Variants in TNKS2 observed in about 807,000 individuals in gnomAD.
TNKS2 encodes the protein poly [ADP-ribose] polymerase tankyrase-2.
A neutral mutation model predicts 137.6 loss-of-function variants in TNKS2; 72 were observed. The observed-to-expected ratio is 0.52, with a 90% confidence interval of 0.43 to 0.64. The LOEUF is 0.64. Ranked by LOEUF, TNKS2 falls within the 30% of genes least tolerant of loss-of-function variation. TNKS2 has a pLI of 0.00. For synonymous variants in TNKS2, 516 were observed against 512.1 expected (o/e 1.01, Z -0.10); for missense variants, 1,049 against 1,410.2 (o/e 0.74, Z 4.10).
chr10:91,841,999 CT>C (rs1340827979), intron 15 of TNKS2, among the ~76,000 whole-genome samples, 172 bp from the exon 16 acceptor site: 6 of 151,914 alleles, frequency 3.9e-5, no homozygotes, highest in Non-Finnish European at 5.9e-5. Flanking sequence ...CCTCTGTATT[CT>C]TTTTATAATA....
intron 9 of TNKS2, 37 bp downstream of exon 9, chr10:91,828,443 C>T (rs145959977): frequency 1.3e-4 from 199 of 1,521,596 alleles, no homozygotes; most frequent in Middle Eastern, 1.7e-4. Flanking sequence ...AATACAATAA[C>T]GAAGAACGTG....
rs61749237 is a variant in TNKS2, at chr10:91,830,964, A to G, written c.1146A>G (p.Ile382Met). 9 of 1,611,956 alleles carry G rather than the reference A, an allele frequency of 5.6e-6. No homozygotes were observed. The highest frequency in any genetic ancestry group is 1.7e-5 in the Admixed American group (1 of 59,972). Residue 382 changes from isoleucine (I) to methionine (M), a missense_variant, in exon 10 of 27, where the codon ATA becomes ATG. Coordinates refer to ENST00000371627, the MANE Select transcript of TNKS2 (RefSeq NM_025235.4). ...CTCCATATCCCAAAAGAAAGCAAAT[A>G]TGTGAACTGTTGCTAAGAAAAGGAG... ...AASPYPKRKQ[I>M]CELLLRKGAN...
chr10:91,822,264 G>A (rs770476589), intron 6 of TNKS2, 32 bp from the exon 7 acceptor site: 4 of 1,571,912 alleles, frequency 2.5e-6, no homozygotes, highest in Non-Finnish European at 3.5e-6. Context: ...AATCTATACT[G>A]AAACAGGATT....
chr10:91,835,815 C>T (rs1009365264), intron 12 of TNKS2, among the ~76,000 whole-genome samples: 1 of 148,974 alleles, frequency 6.7e-6, no homozygotes, highest in Non-Finnish European at 1.5e-5. Context: ...ACCATGTTGC[C>T]GAGTCTGGTC....
At chr10:91,840,474 C>A in intron 13 of TNKS2, 87 bp from the exon 14 acceptor site, 1 of 1,198,776 alleles carries the variant, frequency 8.3e-7, no homozygotes, top group Non-Finnish European at 1.2e-6. Context: ...ATAAGTCAGA[C>A]ACTTTGAAAA....
intron 3 of TNKS2, 35 bp downstream of exon 3, chr10:91,817,264 T>C: frequency 6.5e-7 from 1 of 1,529,376 alleles, no homozygotes. Flanking sequence ...CCAGGAAGCC[T>C]GTAAAGAACA....
intron 1 of TNKS2, chr10:91,812,669 T>G (rs1844547105): frequency 1.0e-5 from 6 of 583,478 alleles, no homozygotes; most frequent in Non-Finnish European, 1.3e-5. Context: ...TACGCAGAAC[T>G]CTATTGTAGA....
At position 91,826,997 on chromosome 10, in the gene TNKS2, A is replaced by G. The variant is rs767484922; in HGVS notation, c.796-20A>G. ...TTCTTTTAAAAATTGAACATTAAAT[A>G]TATGCTTTTTGCTCTCCAGCATGGT... is the stretch of plus-strand genomic sequence containing the variant. On this transcript the variant is annotated intron_variant, in intron 7 of 26. Coordinates refer to ENST00000371627, the MANE Select transcript of TNKS2 (RefSeq NM_025235.4). 5 of 1,503,532 alleles carry G rather than the reference A, an allele frequency of 3.3e-6. No individual in the cohort carries two copies. In the South Asian group the frequency reaches 5.5e-5, roughly 17 times the overall value. The allele number at this position is 1,503,532 out of a possible 1,614,324, so 93.1% of individuals were successfully genotyped here.
At chr10:91,861,353 T>C (rs1034425630) in intron 25 of TNKS2, among the ~76,000 whole-genome samples, 2 of 152,172 alleles carry the variant, frequency 1.3e-5, no homozygotes, top group Non-Finnish European at 2.9e-5. Flanking sequence ...TTCAAGAAAT[T>C]GGAGCCATTG....
At chr10:91,860,083 G>T (rs887115398) in intron 25 of TNKS2, among the ~76,000 whole-genome samples, 5 of 152,006 alleles carry the variant, frequency 3.3e-5, no homozygotes, top group African/African-American at 1.2e-4. Context: ...TCCTCAATTT[G>T]CAATATTACT....
rs1564622951 is a variant in TNKS2, at chr10:91,842,265, G to A, written c.1933G>A (p.Gly645Arg). The change falls in exon 16 of 27, where the codon GGA becomes AGA. Residue 645 changes from glycine to arginine, a missense_variant. Physicochemically the swap from Gly to Arg is moderately radical, Grantham distance 125. Around this residue, in one of 6 missense-constraint regions of TNKS2, gnomAD observed 328 missense variants for 436.0 expected, o/e 0.75. Coordinates refer to ENST00000371627, the MANE Select transcript of TNKS2 (RefSeq NM_025235.4). ...GDTDIQDLLR[G>R]DAALLDAAKK... ...TACAGATATTCAAGATCTGCTTAGG[G>A]GAGATGCAGCTTTGCTAGATGCTGC... The A allele has an allele frequency of 6.2e-7, 1 of 1,613,906 alleles. No individual in the cohort carries two copies. The highest frequency in any genetic ancestry group is 8.5e-7 in the Non-Finnish European group (1 of 1,179,960).
intron 1 of TNKS2, among the ~76,000 whole-genome samples, chr10:91,804,357 T>G (rs963541409): frequency 6.6e-6 from 1 of 152,228 alleles, no homozygotes; most frequent in Non-Finnish European, 1.5e-5. Context: ...ACTTTACAGA[T>G]AGGCCTGCTT....
intron 25 of TNKS2, among the ~76,000 whole-genome samples, chr10:91,860,816 G>A (rs542954103): frequency 8.5e-5 from 13 of 152,210 alleles, no homozygotes; most frequent in South Asian, 8.3e-4. Context: ...TATGTATGAC[G>A]TCCCACTCAC....
chr10:91,807,029 G>A, intron 1 of TNKS2: 5 of 972,102 alleles, frequency 5.1e-6, no homozygotes, highest in Non-Finnish European at 7.5e-6. Context: ...GCTCTCTAAA[G>A]TAAACATTAA....
In TNKS2 at chr10:91,837,038, T is replaced by C. The variant is rs41286936; in HGVS notation, c.1527+40T>C. The C allele has an allele frequency of 7.3e-4, 1,171 of 1,594,600 alleles. 3 individuals carry two copies. Among genetic ancestry groups the C allele is most frequent in the Non-Finnish European group, 9.3e-4 (1,086 of 1,167,548 alleles). On this transcript the variant is annotated intron_variant, in intron 13 of 26. Transcript: ENST00000371627. ...TACGTTTCTGTTAACTTTGGGTTTT[T>C]ATTTTGACATTGTTATTTAATCTGT... is the stretch of plus-strand genomic sequence containing the variant.
rs748399854 is a variant in TNKS2, at chr10:91,855,087, G to A, written c.2874G>A (p.Leu958=). 1.4e-5 allele frequency: 22 copies of A among 1,611,860 alleles called. No individual in the cohort carries two copies. Among genetic ancestry groups the A allele is most frequent in the Middle Eastern group, 1.6e-4 (1 of 6,064 alleles). The change falls in exon 22 of 27, where the codon CTG becomes CTA. Residue 958 remains leucine (L), a synonymous_variant. Transcript: ENST00000371627. ...TSGSGTILID[L]SPDDKEFQSV... is the part of the protein sequence containing the mutation. ...GTAGTGGAACAATTCTTATAGATCT[G>A]TCTCCTGATGATAAAGAGTTTCAGT...
In TNKS2 at chr10:91,848,553, C is replaced by G; in HGVS notation, c.2529C>G (p.Asn843Lys). Reference sequence around the variant, plus strand: ...TTTCTGCAGCCAGCAGTCTTGACAACTTATCTGGGAGTTTTTCAGAACTGT... The same window carrying G: ...TTTCTGCAGCCAGCAGTCTTGACAAGTTATCTGGGAGTTTTTCAGAACTGT... ...SSLSAASSLD[N>K]LSGSFSELSS... The change falls in exon 19 of 27, where the codon AAC becomes AAG. Residue 843 changes from asparagine (N) to lysine (K), a missense_variant. By Grantham distance (94) the Asn-to-Lys change is moderately conservative (BLOSUM62 0). Coordinates refer to ENST00000371627, the MANE Select transcript of TNKS2 (RefSeq NM_025235.4). The G allele has an allele frequency of 6.2e-7, 1 of 1,614,156 alleles. No homozygotes were observed. The highest frequency in any genetic ancestry group is 1.1e-5 in the South Asian group (1 of 91,082).
chr10:91,835,699 C>T (rs374988849), intron 12 of TNKS2, among the ~76,000 whole-genome samples: 4 of 150,482 alleles, frequency 2.7e-5, no homozygotes, highest in African/African-American at 9.8e-5. Context: ...GCGATCTTGG[C>T]TCACTGCAAC....
At chr10:91,840,308 C>T (rs1000380520) in intron 13 of TNKS2, among the ~76,000 whole-genome samples, 6 of 151,964 alleles carry the variant, frequency 3.9e-5, no homozygotes, top group Admixed American at 6.6e-5. Context: ...CCACTGCACC[C>T]CAGCCTGGGT....
Sources: gnomAD v4.1 joint callset for allele counts (sites outside exome capture counted in the v4.1 genomes callset) on GRCh38, gnomAD v4.1.1 for gene constraint, gnomAD v4.1.1 regional missense constraint, MANE v1.5 for transcripts, NCBI Gene and HGNC (gene_info 2026-07-23, HGNC 2026-07-21) for gene names.